The following SCN8A variants were observed in gnomAD, a reference collection of about 807,000 sequenced individuals.
SCN8A encodes sodium voltage-gated channel alpha subunit 8.
Under a neutral mutation model 184.1 loss-of-function variants are expected in SCN8A, and 30 were observed. That is an observed-to-expected ratio of 0.16 (90% CI 0.12 to 0.22). SCN8A has a LOEUF of 0.22. SCN8A is among the 10% of genes least tolerant of loss of function. The pLI is 1.00. For synonymous variants in SCN8A, 852 were observed against 907.0 expected (o/e 0.94, Z 1.09); for missense variants, 1,057 against 2,498.9 (o/e 0.42, Z 12.30).
At chr12:51,775,560 A>T (rs1937665630) in intron 20 of SCN8A, among the ~76,000 whole-genome samples, 1 of 152,218 alleles carries the variant, frequency 6.6e-6, no homozygotes, top group African/African-American at 2.4e-5. Flanking sequence ...CCTCGCAGCG[A>T]GAGATGTTAG....
In SCN8A at chr12:51,784,823, C is replaced by T. The variant is rs557700210; in HGVS notation, c.3943-1719C>T. ...TAACTGTAACCCATAGTATGTGGGACAGGTTAGACTGGGTTTGAGTAGAAG... is the reference window on the plus strand; with the variant it reads ...TAACTGTAACCCATAGTATGTGGGATAGGTTAGACTGGGTTTGAGTAGAAG... On this transcript the variant is annotated intron_variant, in intron 21 of 26. Coordinates refer to ENST00000627620, the MANE Select transcript of SCN8A (RefSeq NM_001330260.2). 7.2e-5 allele frequency among the ~76,000 whole-genome samples: 11 copies of T among 152,244 alleles called. No individual in the cohort carries two copies. In the South Asian group the frequency reaches 2.3e-3, roughly 32 times the overall value.
chr12:51,808,886 G>C lies in SCN8A; in HGVS notation c.*1457G>C, dbSNP rs1180400296. ...TTCCCTTGCCCACAGAGGTGGGTGA[G>C]GGTAGCAGCATTGGGGTTACGGCTG... On this transcript the variant is annotated 3_prime_UTR_variant, in exon 27 of 27. Coordinates refer to ENST00000627620, the MANE Select transcript of SCN8A (RefSeq NM_001330260.2). 1.3e-5 allele frequency: 2 copies of C among 152,168 alleles called. No homozygotes were observed. Among genetic ancestry groups the C allele is most frequent in the Non-Finnish European group, 2.9e-5 (2 of 68,050 alleles). The allele number at this position is 152,168 out of a possible 1,614,324, so 9.4% of individuals were successfully genotyped here.
At chr12:51,765,466 T>C (rs1023740236) in intron 15 of SCN8A, among the ~76,000 whole-genome samples, 5 of 152,208 alleles carry the variant, frequency 3.3e-5, no homozygotes, top group Non-Finnish European at 5.9e-5. Context: ...TTTCAGCTAC[T>C]CTGAAATTAA....
intron 1 of SCN8A, among the ~76,000 whole-genome samples, chr12:51,632,323 T>C (rs992266681): frequency 5.9e-5 from 9 of 152,308 alleles, no homozygotes; most frequent in African/African-American, 1.4e-4. Flanking sequence ...TTCAGAACAG[T>C]TTATAGAATA....
chr12:51,723,403 GA>G (rs1360891948), intron 12 of SCN8A, among the ~76,000 whole-genome samples: 1 of 152,062 alleles, frequency 6.6e-6, no homozygotes, highest in Non-Finnish European at 1.5e-5. Flanking sequence ...GAGGCAGGGG[GA>G]TCACATGAGC....
intron 1 of SCN8A, among the ~76,000 whole-genome samples, chr12:51,606,485 C>G (rs1490602227): frequency 3.9e-5 from 6 of 152,198 alleles, no homozygotes; most frequent in Non-Finnish European, 8.8e-5. Flanking sequence ...GTTTTGGTGA[C>G]TATGGCCTTA....
rs1259754133 is a variant in SCN8A at position 51,612,523 on chromosome 12, C to T, written c.-55+21164C>T. 2.6e-5 allele frequency among the ~76,000 whole-genome samples: 4 copies of T among 152,154 alleles called. No homozygotes were observed. In the East Asian group the frequency reaches 5.8e-4, roughly 22 times the overall value. On this transcript the variant is annotated intron_variant, in intron 1 of 26. Coordinates refer to ENST00000627620, the MANE Select transcript of SCN8A (RefSeq NM_001330260.2). Reference sequence around the variant, plus strand: ...TAAGTTCCCTTCTATTCCTAGTTTACTGAGAATTTTATCAGGAATGAATGT... The same window carrying T: ...TAAGTTCCCTTCTATTCCTAGTTTATTGAGAATTTTATCAGGAATGAATGT...
intron 18 of SCN8A, 90 bp downstream of exon 18, chr12:51,770,075 C>T: frequency 2.4e-6 from 2 of 837,140 alleles, no homozygotes; most frequent in Non-Finnish European, 3.9e-6. Flanking sequence ...TGAGGGGCAG[C>T]TCAGTGGCTA....
intron 3 of SCN8A, among the ~76,000 whole-genome samples, chr12:51,685,051 T>C (rs1941397503): frequency 6.6e-6 from 1 of 152,218 alleles, no homozygotes; most frequent in East Asian, 1.9e-4. Flanking sequence ...AAGCCAGCAG[T>C]GGCAACTTGG....
intron 1 of SCN8A, among the ~76,000 whole-genome samples, chr12:51,593,576 T>C (rs12424495): frequency 0.022 from 3,315 of 152,314 alleles, 166 homozygotes; most frequent in East Asian, 0.17. Flanking sequence ...GGTCCAGCTT[T>C]GGGTTGCCTG....
chr12:51,645,310 C>G (rs1304025875), intron 1 of SCN8A, among the ~76,000 whole-genome samples: 2 of 150,098 alleles, frequency 1.3e-5, no homozygotes, highest in Non-Finnish European at 3.0e-5. Context: ...CCCGGCCAGC[C>G]GCCCCGTCCA....
chr12:51,803,523 T>A (rs1298421715), intron 26 of SCN8A, among the ~76,000 whole-genome samples: 1 of 152,080 alleles, frequency 6.6e-6, no homozygotes, highest in Non-Finnish European at 1.5e-5. Flanking sequence ...AAACTAGCTC[T>A]GAAACCACCT....
chr12:51,693,853 A>G (rs1201594826), intron 6 of SCN8A, among the ~76,000 whole-genome samples: 1 of 152,176 alleles, frequency 6.6e-6, no homozygotes, highest in Non-Finnish European at 1.5e-5. Flanking sequence ...ATTAGCTCAC[A>G]TTGCTTCAAA....
intron 1 of SCN8A, among the ~76,000 whole-genome samples, chr12:51,595,119 T>A (rs1939316800): frequency 6.6e-6 from 1 of 152,182 alleles, no homozygotes; most frequent in Non-Finnish European, 1.5e-5. Flanking sequence ...CTACTATATA[T>A]AAGGCACTGA....
intron 12 of SCN8A, among the ~76,000 whole-genome samples, chr12:51,738,750 G>A (rs1013010304): frequency 2.0e-5 from 3 of 152,204 alleles, no homozygotes; most frequent in Admixed American, 2.0e-4. Flanking sequence ...GTATTTGTAC[G>A]CCTTTTAAAC....
intron 1 of SCN8A, among the ~76,000 whole-genome samples, chr12:51,604,486 T>C (rs1939540224): frequency 6.6e-6 from 1 of 151,906 alleles, no homozygotes; most frequent in Non-Finnish European, 1.5e-5. Context: ...TTTTTGTTTG[T>C]TTGTTTGTTT....
At chr12:51,773,647 T>C (rs1265711147) in intron 19 of SCN8A, among the ~76,000 whole-genome samples, 2 of 152,230 alleles carry the variant, frequency 1.3e-5, no homozygotes, top group East Asian at 1.9e-4. Flanking sequence ...GCAATTCCAT[T>C]CCTGGGCATA....
At chr12:51,756,553 C>T (rs1331797483) in intron 14 of SCN8A, among the ~76,000 whole-genome samples, 1 of 152,254 alleles carries the variant, frequency 6.6e-6, no homozygotes, top group Non-Finnish European at 1.5e-5. Context: ...TGTGGACGTC[C>T]TCCCACCACA....
intron 22 of SCN8A, among the ~76,000 whole-genome samples, chr12:51,787,673 TTAAG>T (rs1938123292): frequency 6.6e-6 from 1 of 152,246 alleles, no homozygotes; most frequent in Admixed American, 6.5e-5. Context: ...AAAATTGCTA[TTAAG>T]TATTTTTGTT....
Sources: allele counts gnomAD v4.1 joint callset (sites outside exome capture counted in the v4.1 genomes callset), GRCh38; gene constraint gnomAD v4.1.1; transcripts MANE v1.5; gene names NCBI Gene and HGNC (gene_info 2026-07-23, HGNC 2026-07-21).